The following COMMD1 variants were observed in gnomAD, a reference collection of about 807,000 sequenced individuals.
COMMD1 encodes copper metabolism domain containing 1, also known as COMM domain-containing protein 1.
A neutral mutation model predicts 17.2 loss-of-function variants in COMMD1; 10 were observed. That is an observed-to-expected ratio of 0.58 (90% CI 0.36 to 0.99). The LOEUF (loss-of-function observed/expected upper bound fraction) is 0.99. Among genes scored for constraint, COMMD1 ranks in the 50% least tolerant of loss-of-function variants. The pLI is 0.01. For synonymous variants in COMMD1, 97 were observed against 91.6 expected (o/e 1.06, Z -0.34); for missense variants, 270 against 231.8 (o/e 1.17, Z -1.07).
chr2:62,014,887 C>T (rs1278985603), intron 2 of COMMD1, among the ~76,000 whole-genome samples: 1 of 151,858 alleles, frequency 6.6e-6, no homozygotes, highest in Admixed American at 6.6e-5. Context: ...TTTAAGTGTA[C>T]AGTCCAGTGG....
intron 1 of COMMD1, among the ~76,000 whole-genome samples, chr2:61,909,074 A>G (rs912258895): frequency 2.0e-4 from 30 of 152,044 alleles, no homozygotes; most frequent in Non-Finnish European, 2.1e-4. Flanking sequence ...GATTACAAGC[A>G]TGCACCACCA....
upstream of COMMD1, among the ~76,000 whole-genome samples, chr2:61,901,080 G>A (rs561160106): frequency 3.3e-5 from 5 of 151,898 alleles, no homozygotes; most frequent in East Asian, 7.8e-4. Context: ...CTGAGTAGCT[G>A]GGATTACAGG....
intron 2 of COMMD1, among the ~76,000 whole-genome samples, chr2:62,014,240 G>A (rs1669369125): frequency 6.6e-6 from 1 of 152,164 alleles, no homozygotes; most frequent in South Asian, 2.1e-4. Context: ...TATTCTTGCA[G>A]ACAGATGGGG....
At chr2:62,068,447 G>A (rs1257630367) in intron 2 of COMMD1, among the ~76,000 whole-genome samples, 1 of 152,062 alleles carries the variant, frequency 6.6e-6, no homozygotes, top group East Asian at 1.9e-4. Flanking sequence ...CCAAAAACAT[G>A]ATCCATAAAA....
At chr2:61,888,735 T>G (rs2105147471) in exon 1 of COMMD1, 1 of 533,318 alleles carries the variant, frequency 1.9e-6, no homozygotes, top group South Asian at 2.3e-5. Context: ...ATGCGTGCGG[T>G]GGGCTCCGGG....
intron 1 of COMMD1, among the ~76,000 whole-genome samples, chr2:61,912,445 T>C (rs1186289924): frequency 2.0e-5 from 3 of 152,108 alleles, no homozygotes; most frequent in Admixed American, 6.6e-5. Flanking sequence ...AGAAATAAAG[T>C]TTTATTTTAG....
chr2:62,131,193 G>A (rs1673025526), intron 2 of COMMD1, among the ~76,000 whole-genome samples: 1 of 152,176 alleles, frequency 6.6e-6, no homozygotes, highest in South Asian at 2.1e-4. Flanking sequence ...AATTTGGAAT[G>A]GCTATTTAAA....
intron 2 of COMMD1, among the ~76,000 whole-genome samples, chr2:62,128,825 G>A (rs1354318848): frequency 4.0e-5 from 6 of 151,886 alleles, no homozygotes; most frequent in South Asian, 2.1e-4. Flanking sequence ...GGTGGCACAC[G>A]CCTGTAGTCC....
At chr2:61,911,198 G>A (rs1307770950) in intron 1 of COMMD1, among the ~76,000 whole-genome samples, 1 of 151,830 alleles carries the variant, frequency 6.6e-6, no homozygotes, top group African/African-American at 2.4e-5. Context: ...TCCAGGCTGG[G>A]CTCAGTGGCT....
chr2:61,888,426 C>A (rs1342843558), upstream of COMMD1: 3 of 1,612,546 alleles, frequency 1.9e-6, no homozygotes, highest in African/African-American at 2.7e-5. Flanking sequence ...GCTGGCTTGT[C>A]GCGGTCCTGA....
At chr2:62,128,247 G>A (rs185720912) in intron 2 of COMMD1, among the ~76,000 whole-genome samples, 5 of 151,620 alleles carry the variant, frequency 3.3e-5, no homozygotes, top group Admixed American at 2.6e-4. Flanking sequence ...AGAATTGCTT[G>A]AACACAGCAG....
At chr2:62,121,371 C>CAAAAAAAAAAAAAAA (rs55789110) in intron 2 of COMMD1, among the ~76,000 whole-genome samples, 6 of 47,202 alleles carry the variant, frequency 1.3e-4, no homozygotes, top group African/African-American at 5.6e-4. Context: ...GACTCTTTCT[C>CAAAAAAAAAAAAAAA]AAAAAAAAAA....
At chr2:61,968,926 A>G in intron 1 of COMMD1, 1 of 282,992 alleles carries the variant, frequency 3.5e-6, no homozygotes, top group South Asian at 2.9e-5. Flanking sequence ...ACCAGTTTCA[A>G]GGGAAATCTT....
intron 1 of COMMD1, among the ~76,000 whole-genome samples, chr2:61,923,399 T>G (rs1015569922): frequency 6.6e-6 from 1 of 152,130 alleles, no homozygotes; most frequent in African/African-American, 2.4e-5. Flanking sequence ...GAAAACACTG[T>G]GTATTTCTCA....
intron 1 of COMMD1, among the ~76,000 whole-genome samples, chr2:61,962,128 A>G (rs1671357257): frequency 6.6e-6 from 1 of 152,194 alleles, no homozygotes; most frequent in Non-Finnish European, 1.5e-5. Context: ...CTGAAGGCCT[A>G]CTGAACTTAG....
intron 1 of COMMD1, among the ~76,000 whole-genome samples, chr2:61,972,166 A>G (rs1186769483): frequency 6.6e-6 from 1 of 152,232 alleles, no homozygotes; most frequent in Admixed American, 6.5e-5. Context: ...CTAAGGTTAT[A>G]ATAACTGTAG....
chr2:62,093,052 G>C (rs981607746), intron 2 of COMMD1, among the ~76,000 whole-genome samples: 4 of 152,154 alleles, frequency 2.6e-5, no homozygotes, highest in African/African-American at 9.7e-5. Context: ...CCAGTAAAAT[G>C]AGTCCCATGG....
intron 1 of COMMD1, among the ~76,000 whole-genome samples, chr2:61,913,153 G>A (rs1669952830): frequency 6.6e-6 from 1 of 152,156 alleles, no homozygotes; most frequent in Admixed American, 6.6e-5. Context: ...TGGATTGTGA[G>A]GCCAGGAGTT....
At chr2:62,088,556 G>T (rs1329761782) in intron 2 of COMMD1, among the ~76,000 whole-genome samples, 1 of 152,054 alleles carries the variant, frequency 6.6e-6, no homozygotes, top group Non-Finnish European at 1.5e-5. Flanking sequence ...TGATTACCTA[G>T]TCCTATATGT....
Sources: allele counts gnomAD v4.1 joint callset (sites outside exome capture counted in the v4.1 genomes callset), GRCh38; gene constraint gnomAD v4.1.1; transcripts MANE v1.5; gene names NCBI Gene and HGNC (gene_info 2026-07-23, HGNC 2026-07-21).